CDKN2B-AS1: variants seen among roughly 807,000 people sequenced by gnomAD.
CDKN2B-AS1 encodes CDKN2B and CDKN2A antisense cis and trans regulatory RNA 1.
chr9:22,098,932 C>G (rs1263565004), intron 4 of CDKN2B-AS1, among the ~76,000 whole-genome samples: 2 of 152,114 alleles, frequency 1.3e-5, no homozygotes, highest in African/African-American at 4.8e-5. Flanking sequence ...CTGTGGCAAT[C>G]TTTTGTAATG....
At chr9:22,096,228 A>C (rs1016877260) in intron 4 of CDKN2B-AS1, 2 of 152,232 alleles carry the variant, frequency 1.3e-5, no homozygotes, top group Non-Finnish European at 2.9e-5. Flanking sequence ...AGTGAGGCAG[A>C]AGTTAGCATT....
At chr9:22,030,593 A>G (rs1822427605) in intron 1 of CDKN2B-AS1, 1 of 152,160 alleles carries the variant, frequency 6.6e-6, no homozygotes, top group African/African-American at 2.4e-5. Context: ...CTTTAAAACT[A>G]CTGGCAGAGT....
At chr9:22,105,384 C>G (rs978559434) in intron 4 of CDKN2B-AS1, among the ~76,000 whole-genome samples, 1 of 152,184 alleles carries the variant, frequency 6.6e-6, no homozygotes, top group African/African-American at 2.4e-5. Flanking sequence ...AGTTGTGCAG[C>G]ACTTGGGTGG....
At chr9:22,044,099 A>T (rs1198927163) in intron 1 of CDKN2B-AS1, among the ~76,000 whole-genome samples, 1 of 152,024 alleles carries the variant, frequency 6.6e-6, no homozygotes, top group Non-Finnish European at 1.5e-5. Context: ...GGAAAGAAGG[A>T]ACAGTGGAAG....
At chr9:22,096,144 G>A (rs1825268402) in intron 4 of CDKN2B-AS1, among the ~76,000 whole-genome samples, 1 of 152,168 alleles carries the variant, frequency 6.6e-6, no homozygotes, top group African/African-American at 2.4e-5. Flanking sequence ...AAACAATACA[G>A]TGCATCTGGG....
intron 1 of CDKN2B-AS1, among the ~76,000 whole-genome samples, chr9:22,024,348 C>G (rs1172450247): frequency 1.3e-5 from 2 of 152,186 alleles, no homozygotes; most frequent in Non-Finnish European, 2.9e-5. Context: ...CAGCTGGGTG[C>G]TAGCGGATTC....
intron 4 of CDKN2B-AS1, among the ~76,000 whole-genome samples, chr9:22,080,097 G>A (rs1295131199): frequency 6.6e-6 from 1 of 152,238 alleles, no homozygotes; most frequent in Non-Finnish European, 1.5e-5. Flanking sequence ...CTAAATCTCA[G>A]ATGGTACTGA....
At chr9:22,019,092 T>C (rs569963510) in intron 1 of CDKN2B-AS1, among the ~76,000 whole-genome samples, 118 of 152,270 alleles carry the variant, frequency 7.7e-4, no homozygotes, top group African/African-American at 2.7e-3. Flanking sequence ...CAAGGACATA[T>C]TGAAGGAATT....
intron 4 of CDKN2B-AS1, among the ~76,000 whole-genome samples, chr9:22,103,249 G>C (rs1217705208): frequency 6.6e-6 from 1 of 150,756 alleles, no homozygotes; most frequent in African/African-American, 2.4e-5. Flanking sequence ...ACTATGACTG[G>C]GCAATTATGT....
At chr9:22,018,361 A>T (rs1013433535) in intron 1 of CDKN2B-AS1, among the ~76,000 whole-genome samples, 2 of 146,506 alleles carry the variant, frequency 1.4e-5, no homozygotes, top group African/African-American at 5.1e-5. Context: ...CATATTACTG[A>T]TAACATATGC....
rs1320669673 is a variant in CDKN2B-AS1, at chr9:21,996,209, G to T, written n.29+1048G>T. ...CCCATCCCCCGCCCCATCACTTGAC[G>T]TTGCTGCCGGACCTCGGTACAAACC... On this transcript the variant is annotated intron_variant and non_coding_transcript_variant, in intron 1 of 4. Coordinates refer to ENST00000650946, the Ensembl canonical transcript of CDKN2B-AS1. This position sits in a 1 kb window ranked among gnomAD's most constrained non-coding sequence, Gnocchi z 5.4. Among the ~76,000 whole-genome samples the T allele has an allele frequency of 1.3e-5, 2 of 152,178 alleles. No individual in the cohort carries two copies. Among genetic ancestry groups the T allele is most frequent in the African/African-American group, 2.4e-5 (1 of 41,446 alleles).
chr9:22,078,162 C>CT (rs1824568000), intron 4 of CDKN2B-AS1, among the ~76,000 whole-genome samples: 1 of 152,110 alleles, frequency 6.6e-6, no homozygotes, highest in Non-Finnish European at 1.5e-5. Flanking sequence ...TACGATATGA[C>CT]TTGACTAGCA....
chr9:22,126,698 G>C (rs1432175355), intron 4 of CDKN2B-AS1, among the ~76,000 whole-genome samples: 2 of 144,662 alleles, frequency 1.4e-5, no homozygotes, highest in East Asian at 2.2e-4. Context: ...TCAGCCTCCC[G>C]AGTAGCTGGG....
intron 1 of CDKN2B-AS1, among the ~76,000 whole-genome samples, chr9:22,020,451 G>A (rs868100601): frequency 5.3e-5 from 8 of 152,022 alleles, no homozygotes; most frequent in Non-Finnish European, 7.4e-5. Flanking sequence ...AGGAATCATC[G>A]CACAGTCCCC....
At chr9:22,097,336 G>C (rs1052027655) in intron 4 of CDKN2B-AS1, 1 of 152,148 alleles carries the variant, frequency 6.6e-6, no homozygotes, top group Admixed American at 6.5e-5. Context: ...ATTCATATGA[G>C]AGTTTAAGAA....
At chr9:22,012,078 T>G in intron 1 of CDKN2B-AS1, 4 of 658,276 alleles carry the variant, frequency 6.1e-6, no homozygotes, top group Non-Finnish European at 1.1e-5. Context: ...TGTCTGTATA[T>G]GACCTTGATA....
chr9:22,068,166 G>A (rs1203493702), intron 4 of CDKN2B-AS1, among the ~76,000 whole-genome samples: 1 of 152,082 alleles, frequency 6.6e-6, no homozygotes, highest in Non-Finnish European at 1.5e-5. Context: ...TAAGCATGAA[G>A]AAATCTTTCT....
Position 22,006,369 on chromosome 9 carries a change from G to T in CDKN2B-AS1, n.29+11208G>T. On this transcript the variant is annotated intron_variant and non_coding_transcript_variant, in intron 1 of 4. Transcript: ENST00000650946. This position sits in a 1 kb window ranked among gnomAD's most constrained non-coding sequence, Gnocchi z 6.4. ...AATTGCAAAGTTTTCACCCAGTGCA[G>T]AGGTGTTCAGGTCTCTGATGTCTGG... 7.4e-7 allele frequency: 1 copy of T among 1,342,952 alleles called. No individual in the cohort carries two copies. The highest frequency in any genetic ancestry group is 1.0e-6 in the Non-Finnish European group (1 of 971,678). 83.2% of individuals were successfully genotyped at this position (1,342,952 alleles called of 1,614,324 possible).
chr9:22,055,913 A>C (rs1001770072), intron 3 of CDKN2B-AS1, among the ~76,000 whole-genome samples: 4 of 152,220 alleles, frequency 2.6e-5, no homozygotes, highest in Non-Finnish European at 5.9e-5. Context: ...AGTACAAATC[A>C]GAATAAAATT....
Sources: allele counts gnomAD v4.1 joint callset (sites outside exome capture counted in the v4.1 genomes callset), GRCh38; gene constraint gnomAD v4.1.1; non-coding constraint Gnocchi (gnomAD v3.1); transcripts MANE v1.5; gene names NCBI Gene and HGNC (gene_info 2026-07-23, HGNC 2026-07-21).